YAP1: variants seen among roughly 807,000 people sequenced by gnomAD.
YAP1 encodes the protein Yes1 associated transcriptional regulator, also known as transcriptional coactivator YAP1.
A neutral mutation model predicts 56.9 loss-of-function variants in YAP1; 5 were observed. The ratio of observed to expected loss-of-function variants is 0.09; its 90% CI spans 0.05 to 0.18. YAP1 has a LOEUF of 0.18. Among genes scored for constraint, YAP1 ranks in the 10% least tolerant of loss-of-function variants. The pLI is 1.00. For synonymous variants in YAP1, 265 were observed against 248.1 expected (o/e 1.07, Z -0.64); for missense variants, 539 against 651.8 (o/e 0.83, Z 1.88).
intron 2 of YAP1, among the ~76,000 whole-genome samples, chr11:102,127,832 A>G (rs1405428602): frequency 6.6e-6 from 1 of 152,214 alleles, no homozygotes; most frequent in Non-Finnish European, 1.5e-5. Flanking sequence ...GGAGCTGCCC[A>G]AGACCATGGG....
At chr11:102,200,245 A>T (rs12226331) in intron 4 of YAP1, among the ~76,000 whole-genome samples, 60,788 of 152,034 alleles carry the variant, frequency 0.4, 12,889 homozygotes, top group African/African-American at 0.54. Flanking sequence ...AAAGATACAC[A>T]GTTAGCATAT....
rs529734830 is a variant in YAP1 at position 102,181,447 on chromosome 11, A to AAAAT, written c.689-4551_689-4548dup. Among the ~76,000 whole-genome samples the AAAAT allele has an allele frequency of 7.4e-3, 1,119 of 152,128 alleles. 5 individuals carry two copies. Among genetic ancestry groups the AAAAT allele is most frequent in the South Asian group, 0.023 (111 of 4,820 alleles). On this transcript the variant is annotated intron_variant, in intron 3 of 8. Coordinates refer to ENST00000282441, the MANE Select transcript of YAP1 (RefSeq NM_001130145.3). Reference sequence around the variant, plus strand: ...GGTGGCAGAGCGAGACTCCGTCTCAAAAATAAATAAATAAATAAATAAAAT... The same window carrying AAAAT: ...GGTGGCAGAGCGAGACTCCGTCTCAAAAATAAATAAATAAATAAATAAATAAAAT...
intron 2 of YAP1, among the ~76,000 whole-genome samples, chr11:102,138,539 C>T (rs1215890888): frequency 6.6e-6 from 1 of 152,186 alleles, no homozygotes; most frequent in Non-Finnish European, 1.5e-5. Context: ...TACAATTTCA[C>T]TTCTACCACA....
Position 102,144,825 on chromosome 11 carries a change from A to C in YAP1, c.573-17631A>C, listed in dbSNP as rs142935422. 6.1e-3 allele frequency among the ~76,000 whole-genome samples: 930 copies of C among 151,936 alleles called. 10 individuals are homozygous for C. The highest frequency in any genetic ancestry group is 0.021 in the African/African-American group (888 of 41,418). Reference sequence around the variant, plus strand: ...AAAAACGTGTCGATGTAGTTATGCAATATAATTCATTTATCCTACCTTTGG... The same window carrying C: ...AAAAACGTGTCGATGTAGTTATGCACTATAATTCATTTATCCTACCTTTGG... On this transcript the variant is annotated intron_variant, in intron 2 of 8. Coordinates refer to ENST00000282441, the MANE Select transcript of YAP1 (RefSeq NM_001130145.3).
chr11:102,221,395 TTGTG>T (rs1223150541), intron 6 of YAP1, among the ~76,000 whole-genome samples: 1 of 152,100 alleles, frequency 6.6e-6, no homozygotes, highest in Non-Finnish European at 1.5e-5. Flanking sequence ...AAATAGAAAC[TTGTG>T]ATATAACGTG....
chr11:102,147,076 T>A (rs150247116), intron 2 of YAP1, among the ~76,000 whole-genome samples: 1 of 152,192 alleles, frequency 6.6e-6, no homozygotes, highest in Admixed American at 6.6e-5. Flanking sequence ...TATTTTATTT[T>A]TGAGAAAGCT....
chr11:102,175,680 A>T (rs1015251858), intron 3 of YAP1, among the ~76,000 whole-genome samples: 6 of 152,224 alleles, frequency 3.9e-5, no homozygotes, highest in Admixed American at 3.9e-4. Context: ...TAGGCTACAA[A>T]CCTGGACAGC....
intron 3 of YAP1, among the ~76,000 whole-genome samples, chr11:102,183,291 T>A (rs1947739980): frequency 6.6e-6 from 1 of 152,164 alleles, no homozygotes; most frequent in African/African-American, 2.4e-5. Context: ...TATGGAAAGT[T>A]GGTGGGAAAA....
intron 3 of YAP1, among the ~76,000 whole-genome samples, chr11:102,172,187 T>C (rs1265218008): frequency 1.7e-5 from 2 of 115,880 alleles, no homozygotes; most frequent in Non-Finnish European, 1.8e-5. Flanking sequence ...GAGCAGAACT[T>C]CTTCTCAAAA....
intron 6 of YAP1, among the ~76,000 whole-genome samples, chr11:102,221,552 G>C (rs996517954): frequency 6.6e-6 from 1 of 151,902 alleles, no homozygotes; most frequent in Non-Finnish European, 1.5e-5. Context: ...GCAAAACCCT[G>C]TCTCTACAAA....
At chr11:102,210,443 G>A (rs570146118) in intron 6 of YAP1, among the ~76,000 whole-genome samples, 8 of 152,330 alleles carry the variant, frequency 5.3e-5, no homozygotes, top group South Asian at 4.1e-4. Flanking sequence ...TAAGTTGTCC[G>A]TTGGAGCACC....
At chr11:102,228,678 C>G (rs1667718173) in intron 8 of YAP1, among the ~76,000 whole-genome samples, 1 of 130,798 alleles carries the variant, frequency 7.6e-6, no homozygotes, top group Non-Finnish European at 1.7e-5. Flanking sequence ...TTGCAGGGGT[C>G]TTGCAGGAGC....
In YAP1 at chr11:102,231,327, T is replaced by G. The variant is rs1411315215; in HGVS notation, c.*1387T>G. ...AGTTTTGGAAGTAAATTCTAGTTTG[T>G]AGTTCTCATTTGTAATGAACACATT... On this transcript the variant is annotated 3_prime_UTR_variant, in exon 9 of 9. Transcript: ENST00000282441. 1 of 152,232 alleles carries G rather than the reference T, an allele frequency of 6.6e-6. No individual in the cohort carries two copies. The highest frequency in any genetic ancestry group is 1.5e-5 in the Non-Finnish European group (1 of 68,038). The allele number at this position is 152,232 out of a possible 1,614,324, so 9.4% of individuals were successfully genotyped here. A position where few individuals can be genotyped will look rare whatever the true frequency, so the allele number is the denominator to read the frequency against.
At chr11:102,132,945 G>C (rs1944454382) in intron 2 of YAP1, among the ~76,000 whole-genome samples, 1 of 152,092 alleles carries the variant, frequency 6.6e-6, no homozygotes, top group Non-Finnish European at 1.5e-5. Flanking sequence ...ATCACCTGAG[G>C]TCAGGAGATG....
chr11:102,116,982 T>A (rs955339328), intron 2 of YAP1, among the ~76,000 whole-genome samples: 1 of 152,182 alleles, frequency 6.6e-6, no homozygotes, highest in Non-Finnish European at 1.5e-5. Flanking sequence ...GTATCTGCTT[T>A]ATGAACATTA....
At chr11:102,132,889 T>G (rs894918491) in intron 2 of YAP1, among the ~76,000 whole-genome samples, 1 of 152,222 alleles carries the variant, frequency 6.6e-6, no homozygotes, top group Non-Finnish European at 1.5e-5. Flanking sequence ...CCCGGCATAG[T>G]GGTTCATGCC....
intron 3 of YAP1, among the ~76,000 whole-genome samples, chr11:102,170,690 C>T (rs1479720726): frequency 1.3e-5 from 2 of 151,960 alleles, no homozygotes; most frequent in Non-Finnish European, 2.9e-5. Context: ...TAAGGTAGGC[C>T]GGGTGTGGTG....
chr11:102,190,576 A>G (rs1211659747), intron 4 of YAP1, among the ~76,000 whole-genome samples: 1 of 152,114 alleles, frequency 6.6e-6, no homozygotes. Flanking sequence ...CAGTGAGTGA[A>G]TATCATGCCA....
intron 2 of YAP1, among the ~76,000 whole-genome samples, chr11:102,153,295 C>T (rs1055359402): frequency 6.6e-6 from 1 of 152,152 alleles, no homozygotes; most frequent in Non-Finnish European, 1.5e-5. Context: ...CACAGTATCA[C>T]AGATATGAGT....
Sources: gnomAD v4.1 joint callset for allele counts (sites outside exome capture counted in the v4.1 genomes callset) on GRCh38, gnomAD v4.1.1 for gene constraint, MANE v1.5 for transcripts, NCBI Gene and HGNC (gene_info 2026-07-23, HGNC 2026-07-21) for gene names.